Variants in ZNRF1 observed in about 807,000 individuals in gnomAD.
ZNRF1 encodes the protein zinc and ring finger 1.
A neutral mutation model predicts 18.4 loss-of-function variants in ZNRF1; 3 were observed. That is an observed-to-expected ratio of 0.16 (90% CI 0.07 to 0.42). The LOEUF (loss-of-function observed/expected upper bound fraction) is 0.42. ZNRF1 is among the 10% of genes least tolerant of loss of function. The pLI is 0.99. For missense variants in ZNRF1, 310 were observed against 329.8 expected, an observed-to-expected ratio of 0.94 and a Z score of 0.47; for synonymous variants, 157 against 144.2, an observed-to-expected ratio of 1.09 and a Z score of -0.64.
At chr16:75,006,897 G>C (rs2034925912) in intron 1 of ZNRF1, among the ~76,000 whole-genome samples, 2 of 152,082 alleles carry the variant, frequency 1.3e-5, no homozygotes, top group Non-Finnish European at 2.9e-5. Flanking sequence ...TTTCACTTCT[G>C]AATCTTAGGT....
intron 1 of ZNRF1, among the ~76,000 whole-genome samples, chr16:75,043,199 G>A (rs2035471838): frequency 6.6e-6 from 1 of 152,202 alleles, no homozygotes; most frequent in Non-Finnish European, 1.5e-5. Flanking sequence ...GCCTGGCCAA[G>A]TCTGGTTCCC....
chr16:75,082,450 T>A lies in ZNRF1; in HGVS notation c.425-11122T>A, dbSNP rs140937069. 1.4e-3 allele frequency among the ~76,000 whole-genome samples: 218 copies of A among 152,302 alleles called. 2 individuals are homozygous for A. The highest frequency in any genetic ancestry group is 5.0e-3 in the African/African-American group (206 of 41,564). On this transcript the variant is annotated intron_variant, in intron 1 of 4. Coordinates refer to ENST00000335325, the MANE Select transcript of ZNRF1 (RefSeq NM_032268.5). ...TGGACTTACTGTACAGCAGGGTGGG[T>A]TTGATGTCTTCACGCTCACCTCCAT...
chr16:75,052,797 C>G (rs1351734860), intron 1 of ZNRF1, among the ~76,000 whole-genome samples: 1 of 152,240 alleles, frequency 6.6e-6, no homozygotes, highest in Non-Finnish European at 1.5e-5. Flanking sequence ...TTCCCTCCAT[C>G]GATCTGTCTG....
intron 1 of ZNRF1, among the ~76,000 whole-genome samples, chr16:75,023,698 A>G (rs79764905): frequency 0.056 from 3,409 of 60,572 alleles, 102 homozygotes; most frequent in East Asian, 0.21. Context: ...ACAAACAAAC[A>G]AAAAAAACAA....
In ZNRF1 at chr16:75,050,884, AAAAACAAAAAAAAAC is replaced by A. The variant is rs1478332381; in HGVS notation, c.425-42683_425-42669del. Among the ~76,000 whole-genome samples, 46 of 101,888 alleles carry A rather than the reference AAAAACAAAAAAAAAC, an allele frequency of 4.5e-4. 6 individuals are homozygous for A. Among genetic ancestry groups the A allele is most frequent in the Admixed American group, 1.0e-3 (10 of 9,722 alleles). 66.8% of individuals were successfully genotyped at this position (101,888 alleles called of 152,430 possible). ...AGACTCCGTCTCAAAAAAAAAAAAA[AAAAACAAAAAAAAAC>A]AAAAAACTTGTAGCCAGGTACAGTG... On this transcript the variant is annotated intron_variant, in intron 1 of 4. Transcript: ENST00000335325.
At chr16:75,064,561 G>GGA (rs1567483761) in intron 1 of ZNRF1, among the ~76,000 whole-genome samples, 3 of 127,144 alleles carry the variant, frequency 2.4e-5, no homozygotes, top group Admixed American at 7.9e-5. Flanking sequence ...GTCTCCGAGG[G>GGA]AAAAAAAAAA....
rs373748896 is a variant in ZNRF1 at position 75,075,020 on chromosome 16, A to C, written c.425-18552A>C. Among the ~76,000 whole-genome samples, 13 of 123,856 alleles carry C rather than the reference A, an allele frequency of 1.0e-4. 2 individuals are homozygous for C. The highest frequency in any genetic ancestry group is 5.4e-4 in the East Asian group (2 of 3,716). The allele number at this position is 123,856 out of a possible 152,430, so 81.3% of individuals were successfully genotyped here. A position where few individuals can be genotyped will look rare whatever the true frequency, so the allele number is the denominator to read the frequency against. ...GAAATGGCTGTTGAGTACTTTGCCA[A>C]CCCCTGCCTGGGGTCATAAGCCCAG... On this transcript the variant is annotated intron_variant, in intron 1 of 4. Coordinates refer to ENST00000335325, the MANE Select transcript of ZNRF1 (RefSeq NM_032268.5).
intron 1 of ZNRF1, among the ~76,000 whole-genome samples, chr16:75,013,005 G>A (rs2035018924): frequency 6.6e-6 from 1 of 152,202 alleles, no homozygotes; most frequent in Non-Finnish European, 1.5e-5. Context: ...AGAATTGTGG[G>A]AGTGAGTTTT....
chr16:75,050,872 A>G (rs1458957400), intron 1 of ZNRF1, among the ~76,000 whole-genome samples: 1 of 30,962 alleles, frequency 3.2e-5, no homozygotes, highest in African/African-American at 7.3e-5. Flanking sequence ...CTCCGTCTCA[A>G]AAAAAAAAAA....
intron 1 of ZNRF1, among the ~76,000 whole-genome samples, chr16:75,057,518 C>A (rs548404921): frequency 1.3e-5 from 2 of 152,148 alleles, no homozygotes; most frequent in East Asian, 3.8e-4. Context: ...CTATCTTGAC[C>A]GCTTTCATTT....
At position 75,078,921 on chromosome 16, in the gene ZNRF1, T is replaced by A. The variant is rs1009267481; in HGVS notation, c.425-14651T>A. On this transcript the variant is annotated intron_variant, in intron 1 of 4. Coordinates refer to ENST00000335325, the MANE Select transcript of ZNRF1 (RefSeq NM_032268.5). The stretch of plus-strand genomic sequence containing the variant: ...ATCCTTAGGAGATCCTTAACTTTCT[T>A]AACCTTGGAACTGTTATTATGAATC... Among the ~76,000 whole-genome samples, 24 of 152,330 alleles carry A rather than the reference T, an allele frequency of 1.6e-4. 1 individual carries two copies. The highest frequency in any genetic ancestry group is 1.0e-3 in the Admixed American group (16 of 15,306).
chr16:75,056,179 T>C (rs148417748), intron 1 of ZNRF1, among the ~76,000 whole-genome samples: 61 of 152,346 alleles, frequency 4.0e-4, no homozygotes, highest in Non-Finnish European at 7.9e-4. Flanking sequence ...TCCATAAGGA[T>C]GAATTGGAAT....
chr16:75,051,637 C>G (rs182910931), intron 1 of ZNRF1, among the ~76,000 whole-genome samples: 173 of 152,216 alleles, frequency 1.1e-3, no homozygotes, highest in Middle Eastern at 6.8e-3. Flanking sequence ...CCTGCCTCAG[C>G]CTTGTGAGTA....
rs538909098 is a variant in ZNRF1 at position 75,096,120 on chromosome 16, C to T, written c.520+2453C>T. ...TGTGTGTAAACTAGAGGCTTTACAC[C>T]TAAGGCTCTCTTTTGCAAAAGCCAG... On this transcript the variant is annotated intron_variant, in intron 2 of 4. Transcript: ENST00000335325. 1.5e-4 allele frequency among the ~76,000 whole-genome samples: 22 copies of T among 142,386 alleles called. No homozygotes were observed. In the East Asian group the frequency reaches 4.3e-3, roughly 28 times the overall value. 93.4% of individuals were successfully genotyped at this position (142,386 alleles called of 152,430 possible).
intron 1 of ZNRF1, among the ~76,000 whole-genome samples, chr16:75,089,384 C>T (rs62059184): frequency 5.3e-5 from 8 of 152,176 alleles, no homozygotes; most frequent in Non-Finnish European, 1.0e-4. Flanking sequence ...GCTGGTATTA[C>T]AGGTGTGAGC....
At chr16:75,072,610 T>C (rs1331971539) in intron 1 of ZNRF1, among the ~76,000 whole-genome samples, 1 of 152,214 alleles carries the variant, frequency 6.6e-6, no homozygotes, top group Non-Finnish European at 1.5e-5. Flanking sequence ...GACAGTAACG[T>C]ATGCACAAAA....
In ZNRF1 at chr16:74,999,642, G is replaced by T; in HGVS notation, c.-30G>T. The T allele has an allele frequency of 7.5e-7, 1 of 1,325,934 alleles. No individual in the cohort carries two copies. Among genetic ancestry groups the T allele is most frequent in the Non-Finnish European group, 9.6e-7 (1 of 1,043,028 alleles). 82.1% of individuals were successfully genotyped at this position (1,325,934 alleles called of 1,614,324 possible). On this transcript the variant is annotated 5_prime_UTR_variant, in exon 1 of 5. In the 5' UTR this introduces an upstream ATG that the reference lacks. Transcript: ENST00000335325. ...AAGTGGGGGAGGGTCTCGGCCTCCA[G>T]GTTCCCGCCCCACCGGGGCCCGGGC...
rs553586530 is a variant in ZNRF1, at chr16:75,051,879, TTATC to T, written c.425-41688_425-41685del. On this transcript the variant is annotated intron_variant, in intron 1 of 4. Coordinates refer to ENST00000335325, the MANE Select transcript of ZNRF1 (RefSeq NM_032268.5). ...TCTATTCATCTATCCACTCCTTTATTTATCTATCCACCTCTTATTTTGTACACAT... is the reference window on the plus strand; with the variant it reads ...TCTATTCATCTATCCACTCCTTTATTTATCCACCTCTTATTTTGTACACAT... Among the ~76,000 whole-genome samples, 8 of 152,342 alleles carry T rather than the reference TTATC, an allele frequency of 5.3e-5. No individual in the cohort carries two copies. The East Asian group carries it at 1.2e-3, about 22-fold the overall frequency.
At chr16:75,045,693 C>A (rs2035506098) in intron 1 of ZNRF1, among the ~76,000 whole-genome samples, 1 of 150,862 alleles carries the variant, frequency 6.6e-6, no homozygotes, top group South Asian at 2.1e-4. Context: ...ACCTAACTTG[C>A]TCAGCTGAAT....
Sources: allele counts gnomAD v4.1 joint callset (sites outside exome capture counted in the v4.1 genomes callset), GRCh38; gene constraint gnomAD v4.1.1; transcripts MANE v1.5; gene names NCBI Gene and HGNC (gene_info 2026-07-23, HGNC 2026-07-21).